The following EXOSC5 variants were observed in gnomAD, a reference collection of about 807,000 sequenced individuals.
EXOSC5 encodes exosome component 5, also known as exosome complex component RRP46.
Under a neutral mutation model 23.7 loss-of-function variants are expected in EXOSC5, and 15 were observed. The ratio of observed to expected loss-of-function variants is 0.63; its 90% CI spans 0.42 to 0.97. The LOEUF (loss-of-function observed/expected upper bound fraction) is 0.97. Among genes scored for constraint, EXOSC5 ranks in the 50% least tolerant of loss-of-function variants. EXOSC5 has a pLI of 0.00. For synonymous variants in EXOSC5, 143 were observed against 140.9 expected (o/e 1.02, Z -0.11); for missense variants, 305 against 316.3 (o/e 0.96, Z 0.27).
At position 41,387,560 on chromosome 19, in the gene EXOSC5, C is replaced by T. The variant is rs770640185; in HGVS notation, c.569G>A (p.Arg190Gln). 16 of 1,606,960 alleles carry T rather than the reference C, an allele frequency of 1.0e-5. No individual in the cohort carries two copies. The highest frequency in any genetic ancestry group is 6.7e-5 in the African/African-American group (5 of 74,818). The change falls in exon 5 of 6, where the codon CGG becomes CAG. Residue 190 changes from arginine to glutamine, a missense_variant. By Grantham distance (43) the Arg-to-Gln change is conservative. Transcript: ENST00000221233. The part of the protein sequence containing the change: ...VLTFALDSVE[R>Q]KLLMSSTKGL... ...CTTGGTGCTGGACATCAGCAGCTTC[C>T]GTTCCACGCTGTCCAGGGCAAAGGT... is the stretch of plus-strand genomic sequence containing the variant.
At chr19:41,390,165 C>T (rs2039013472) in intron 3 of EXOSC5, among the ~76,000 whole-genome samples, 1 of 152,124 alleles carries the variant, frequency 6.6e-6, no homozygotes, top group African/African-American at 2.4e-5. Flanking sequence ...AACTCCTGAC[C>T]TCAGGTGATC....
intron 3 of EXOSC5, among the ~76,000 whole-genome samples, chr19:41,390,866 T>C (rs572150819): frequency 1.3e-5 from 2 of 152,164 alleles, no homozygotes; most frequent in African/African-American, 4.8e-5. Flanking sequence ...CACAATACCT[T>C]CTCTCTCTGC....
chr19:41,389,811 T>A lies in EXOSC5; in HGVS notation c.479A>T (p.Asp160Val). The A allele has an allele frequency of 6.2e-7, 1 of 1,614,072 alleles. No homozygotes were observed. Among genetic ancestry groups the A allele is most frequent in the Non-Finnish European group, 8.5e-7 (1 of 1,179,994 alleles). The change falls in exon 4 of 6, where the codon GAC becomes GTC. Residue 160 changes from aspartate (D) to valine (V), a missense_variant. Asp to Val is a radical substitution (Grantham distance 152, BLOSUM62 -3). Coordinates refer to ENST00000221233, the MANE Select transcript of EXOSC5 (RefSeq NM_020158.4). The part of the protein sequence containing the change: ...ALFCGVACAL[D>V]SDGTLVLDPT... ...ATCCAGCACGAGGGTCCCATCAGAG[T>A]CCAGGGCGCAGGCGACCCCACAGAA...
In EXOSC5 at chr19:41,386,471, CTGT is replaced by C; in HGVS notation, c.*159_*161del. On this transcript the variant is annotated 3_prime_UTR_variant, in exon 6 of 6. Transcript: ENST00000221233. ...GGATCTGTGCCCCCAGGCCTGGGGG[CTGT>C]CACAGGCCAAGGCCTCCCCACAGGA... is the stretch of plus-strand genomic sequence containing the variant. 1.7e-6 allele frequency: 1 copy of C among 601,006 alleles called. No individual in the cohort carries two copies. The allele number at this position is 601,006 out of a possible 1,614,324, so 37.2% of individuals were successfully genotyped here. A position where few individuals can be genotyped will look rare whatever the true frequency, so the allele number is the denominator to read the frequency against.
intron 1 of EXOSC5, among the ~76,000 whole-genome samples, chr19:41,396,867 G>A (rs2039071652): frequency 6.6e-6 from 1 of 150,766 alleles, no homozygotes; most frequent in African/African-American, 2.4e-5. Context: ...GAGGGTGGAG[G>A]AGGAATCGAG....
chr19:41,386,856 G>T, intron 5 of EXOSC5, 131 bp from the exon 6 acceptor site: 2 of 680,036 alleles, frequency 2.9e-6, no homozygotes, highest in Admixed American at 5.4e-5. Context: ...CCCAAGTGAG[G>T]CAAGTGGTAA....
chr19:41,392,862 A>G lies in EXOSC5; in HGVS notation c.262+5T>C, dbSNP rs1434714381. On this transcript the variant is annotated splice_donor_5th_base_variant and intron_variant, in intron 2 of 5. Transcript: ENST00000221233. Reference sequence around the variant, plus strand: ...CCACTCAGAGGTTCAGCAGGGCCCAATTACCAGGCAGCCCAATCTTCGGCC... The same window carrying G: ...CCACTCAGAGGTTCAGCAGGGCCCAGTTACCAGGCAGCCCAATCTTCGGCC... 1 of 1,613,652 alleles carries G rather than the reference A, an allele frequency of 6.2e-7. No individual in the cohort carries two copies. Among genetic ancestry groups the G allele is most frequent in the Admixed American group, 1.7e-5 (1 of 60,008 alleles).
chr19:41,391,046 C>T (rs2039019539), intron 3 of EXOSC5, among the ~76,000 whole-genome samples: 1 of 152,118 alleles, frequency 6.6e-6, no homozygotes, highest in African/African-American at 2.4e-5. Context: ...CACTGAGGGC[C>T]TGAAATCCAC....
intron 2 of EXOSC5, 156 bp from the exon 3 acceptor site, chr19:41,392,118 A>C: frequency 1.8e-6 from 2 of 1,118,652 alleles, no homozygotes; most frequent in Non-Finnish European, 1.2e-6. Flanking sequence ...GGAAGAAGGC[A>C]AGGCCTGACT....
chr19:41,390,996 C>T (rs181022505), intron 3 of EXOSC5, among the ~76,000 whole-genome samples: 8 of 152,318 alleles, frequency 5.3e-5, no homozygotes, highest in South Asian at 2.1e-4. Flanking sequence ...TACAAGGCCA[C>T]GCTCCTGACT....
At chr19:41,389,638 A>T in intron 4 of EXOSC5, 127 bp downstream of exon 4, 1 of 1,325,600 alleles carries the variant, frequency 7.5e-7, no homozygotes, top group Non-Finnish European at 1.0e-6. Context: ...CATGATGATT[A>T]GAGCAGCCCT....
At chr19:41,396,165 C>T (rs927007625) in intron 1 of EXOSC5, among the ~76,000 whole-genome samples, 1 of 151,940 alleles carries the variant, frequency 6.6e-6, no homozygotes, top group Non-Finnish European at 1.5e-5. Flanking sequence ...ATTGCTTGAG[C>T]CCAGGAGTTC....
At chr19:41,390,210 A>G (rs1884360248) in intron 3 of EXOSC5, among the ~76,000 whole-genome samples, 1 of 152,210 alleles carries the variant, frequency 6.6e-6, no homozygotes, top group Non-Finnish European at 1.5e-5. Flanking sequence ...CTGGGATTAC[A>G]GGCATGAGCC....
intron 3 of EXOSC5, among the ~76,000 whole-genome samples, chr19:41,391,003 G>T (rs1046370456): frequency 1.3e-5 from 2 of 152,144 alleles, no homozygotes; most frequent in African/African-American, 4.8e-5. Context: ...CCACGCTCCT[G>T]ACTCAGCTGC....
chr19:41,388,272 T>C (rs893071462), intron 4 of EXOSC5, among the ~76,000 whole-genome samples: 5 of 152,204 alleles, frequency 3.3e-5, no homozygotes, highest in Non-Finnish European at 7.3e-5. Context: ...CAGTCCCCCT[T>C]CCATGCTCTG....
intron 5 of EXOSC5, 70 bp downstream of exon 5, chr19:41,387,444 G>T: frequency 7.9e-7 from 1 of 1,262,088 alleles, no homozygotes; most frequent in East Asian, 2.7e-5. Flanking sequence ...ATCCAGGGCA[G>T]AGTTGGGACA....
chr19:41,395,351 T>C (rs2039054284), intron 1 of EXOSC5, among the ~76,000 whole-genome samples: 1 of 152,174 alleles, frequency 6.6e-6, no homozygotes, highest in African/African-American at 2.4e-5. Flanking sequence ...TGCCTGTGTT[T>C]TGCCCGAGCA....
Position 41,397,305 on chromosome 19 carries a change from G to A in EXOSC5, c.24C>T (p.Asp8=). ...TTCCATTTTCAGCACGGATTTTGGCGTCAGTATGCGTCTCCTCCTCCATCG... is the reference window on the plus strand; with the variant it reads ...TTCCATTTTCAGCACGGATTTTGGCATCAGTATGCGTCTCCTCCTCCATCG... MEEETHT[D]AKIRAENGTG... The change falls in exon 1 of 6, where the codon GAC becomes GAT. Residue 8 remains aspartate (D), a synonymous_variant. Transcript: ENST00000221233. 1 of 1,613,828 alleles carries A rather than the reference G, an allele frequency of 6.2e-7. No homozygotes were observed.
At chr19:41,389,934 C>CTTT in intron 3 of EXOSC5, 29 bp from the exon 4 acceptor site, 54 of 1,411,538 alleles carry the variant, frequency 3.8e-5, no homozygotes, top group Admixed American at 1.9e-4. Context: ...GGTTAAGTTT[C>CTTT]TTTTTTTTTT....
Sources: allele counts gnomAD v4.1 joint callset (sites outside exome capture counted in the v4.1 genomes callset), GRCh38; gene constraint gnomAD v4.1.1; transcripts MANE v1.5; gene names NCBI Gene and HGNC (gene_info 2026-07-23, HGNC 2026-07-21).